ADGRL2: variants seen among roughly 807,000 people sequenced by gnomAD.
ADGRL2 encodes the protein adhesion G protein-coupled receptor L2, also known as calcium-independent alpha-latrotoxin receptor 2.
ADGRL2 carries 44 observed loss-of-function variants against 157.4 expected under a neutral mutation model. The observed-to-expected ratio is 0.28, with a 90% CI of 0.22 to 0.36. The LOEUF is 0.36. Ranked by LOEUF, ADGRL2 falls within the 10% of genes least tolerant of loss-of-function variation. The pLI is 1.00. For missense variants in ADGRL2, 1,510 were observed against 1,768.9 expected (o/e 0.85, Z 2.63); for synonymous variants, 585 against 624.7 (o/e 0.94, Z 0.95).
chr1:81,830,755 C>T (rs919604120), intron 1 of ADGRL2, among the ~76,000 whole-genome samples: 2 of 152,206 alleles, frequency 1.3e-5, no homozygotes, highest in African/African-American at 4.8e-5. Context: ...GATCCACCCG[C>T]CTCTGCCTCC....
chr1:81,746,969 C>T (rs549908709), intron 1 of ADGRL2, among the ~76,000 whole-genome samples: 42 of 147,358 alleles, frequency 2.9e-4, no homozygotes, highest in African/African-American at 3.7e-4. Flanking sequence ...TATATACACA[C>T]GTATACACAC....
intron 3 of ADGRL2, among the ~76,000 whole-genome samples, chr1:81,626,622 C>T (rs891583566): frequency 2.6e-5 from 4 of 152,190 alleles, no homozygotes; most frequent in African/African-American, 9.6e-5. Flanking sequence ...GTGGTATCCT[C>T]ATGTAAAACA....
At chr1:81,604,505 C>G (rs531481636) in intron 3 of ADGRL2, among the ~76,000 whole-genome samples, 2 of 152,172 alleles carry the variant, frequency 1.3e-5, no homozygotes, top group Non-Finnish European at 2.9e-5. Flanking sequence ...GAAACAGACA[C>G]AAGTGCCAAC....
At chr1:81,966,771 A>G (rs1009530971) in intron 13 of ADGRL2, among the ~76,000 whole-genome samples, 162 bp downstream of exon 13, 3 of 152,204 alleles carry the variant, frequency 2.0e-5, no homozygotes, top group African/African-American at 7.2e-5. Context: ...GGTCAGAGAC[A>G]CAAGTTTATT....
At chr1:81,790,390 G>A (rs2087276621) in intron 2 of ADGRL2, among the ~76,000 whole-genome samples, 1 of 151,924 alleles carries the variant, frequency 6.6e-6, no homozygotes, top group Admixed American at 6.6e-5. Flanking sequence ...CACAAACATT[G>A]TTATTCTGGA....
chr1:81,873,090 A>C (rs146590703), intron 2 of ADGRL2, among the ~76,000 whole-genome samples: 1 of 152,256 alleles, frequency 6.6e-6, no homozygotes, highest in Non-Finnish European at 1.5e-5. Context: ...CAGGCTCTTG[A>C]CATGTAAAGG....
Position 81,392,225 on chromosome 1 carries a change from C to T in ADGRL2, c.-301-52811C>T, listed in dbSNP as rs1229351952. Among the ~76,000 whole-genome samples the T allele has an allele frequency of 8.8e-5, 5 of 56,498 alleles. No individual in the cohort carries two copies. In the Admixed American group the frequency reaches 9.1e-4, roughly 10 times the overall value. The allele number at this position is 56,498 out of a possible 152,430, so 37.1% of individuals were successfully genotyped here. On this transcript the variant is annotated intron_variant, in intron 1 of 24. Coordinates refer to the ADGRL2 transcript ENST00000370721. Reference sequence around the variant, plus strand: ...CTCACACTTCCTCCTACCCCATCCCCACAAAAAAAAAAACAAAGAAGCAAC... The same window carrying T: ...CTCACACTTCCTCCTACCCCATCCCTACAAAAAAAAAAACAAAGAAGCAAC...
At chr1:81,487,497 T>C (rs1275843698) in intron 2 of ADGRL2, among the ~76,000 whole-genome samples, 1 of 151,626 alleles carries the variant, frequency 6.6e-6, no homozygotes, top group Non-Finnish European at 1.5e-5. Context: ...ATACAAAAAT[T>C]AGTTGGGTGT....
intron 1 of ADGRL2, among the ~76,000 whole-genome samples, chr1:81,376,613 C>T (rs955572640): frequency 1.3e-5 from 2 of 151,532 alleles, no homozygotes; most frequent in African/African-American, 2.4e-5. Flanking sequence ...CCTCCCATCC[C>T]TCTCTCCCTT....
intron 1 of ADGRL2, among the ~76,000 whole-genome samples, chr1:81,372,480 A>G (rs2076177102): frequency 6.6e-6 from 1 of 152,308 alleles, no homozygotes; most frequent in East Asian, 1.9e-4. Context: ...TAGCACCTGT[A>G]CAACCTGGAA....
At chr1:81,854,223 C>A (rs1005966995) in intron 2 of ADGRL2, among the ~76,000 whole-genome samples, 29 of 152,312 alleles carry the variant, frequency 1.9e-4, no homozygotes, top group African/African-American at 6.7e-4. Flanking sequence ...GGCATTTCTA[C>A]AGCCATTCAC....
chr1:81,609,239 C>T (rs2081493598), intron 3 of ADGRL2, among the ~76,000 whole-genome samples: 1 of 151,856 alleles, frequency 6.6e-6, no homozygotes, highest in Non-Finnish European at 1.5e-5. Context: ...TGGGTTTCAC[C>T]ATGTTGCCCA....
At chr1:81,653,519 T>C (rs1287268008) in intron 3 of ADGRL2, among the ~76,000 whole-genome samples, 1 of 152,186 alleles carries the variant, frequency 6.6e-6, no homozygotes, top group Non-Finnish European at 1.5e-5. Context: ...GTGAAATGTG[T>C]TTAGGCTGCT....
intron 17 of ADGRL2, among the ~76,000 whole-genome samples, chr1:81,973,424 A>G (rs3828119): frequency 0.39 from 59,744 of 152,040 alleles, 12,412 homozygotes; most frequent in East Asian, 0.69. Context: ...ACCTTCGTCA[A>G]ACACATAAGT....
chr1:81,892,447 G>T (rs903163178), intron 2 of ADGRL2, among the ~76,000 whole-genome samples: 1 of 152,066 alleles, frequency 6.6e-6, no homozygotes, highest in Non-Finnish European at 1.5e-5. Flanking sequence ...CATAAGCAGA[G>T]AATTATATTC....
chr1:81,917,973 A>C (rs1258636824), intron 3 of ADGRL2, among the ~76,000 whole-genome samples: 2 of 152,224 alleles, frequency 1.3e-5, no homozygotes, highest in African/African-American at 4.8e-5. Flanking sequence ...CAGAAATACA[A>C]TATTTAAACA....
chr1:81,963,614 T>G (rs1656156823), intron 11 of ADGRL2, among the ~76,000 whole-genome samples: 1 of 151,882 alleles, frequency 6.6e-6, no homozygotes, highest in African/African-American at 2.4e-5. Flanking sequence ...TTACATTAAG[T>G]GGATGTTGAA....
chr1:81,656,107 C>T (rs563470268), intron 3 of ADGRL2, among the ~76,000 whole-genome samples: 1 of 152,284 alleles, frequency 6.6e-6, no homozygotes, highest in African/African-American at 2.4e-5. Context: ...CTTCTATCTC[C>T]CACTAGATCT....
chr1:81,624,983 G>A (rs928059712), intron 3 of ADGRL2, among the ~76,000 whole-genome samples: 2 of 152,206 alleles, frequency 1.3e-5, no homozygotes, highest in Non-Finnish European at 2.9e-5. Context: ...AGTCTCTTTG[G>A]TGATCATGAC....
Sources: allele counts gnomAD v4.1 joint callset (sites outside exome capture counted in the v4.1 genomes callset), GRCh38; gene constraint gnomAD v4.1.1; transcripts MANE v1.5; gene names NCBI Gene and HGNC (gene_info 2026-07-23, HGNC 2026-07-21).